CSMD1: variants seen among roughly 807,000 people sequenced by gnomAD.
CSMD1 encodes the protein CUB and sushi domain-containing protein 1.
Under a neutral mutation model 417.5 loss-of-function variants are expected in CSMD1, and 213 were observed. The ratio of observed to expected loss-of-function variants is 0.51; its 90% CI spans 0.46 to 0.57. CSMD1 has a LOEUF of 0.57. Among genes scored for constraint, CSMD1 ranks in the 20% least tolerant of loss-of-function variants. CSMD1 has a pLI of 0.00. For missense variants in CSMD1, 6,923 were observed against 4,529.7 expected (o/e 1.53, Z -15.17); for synonymous variants, 2,862 against 1,736.8 (o/e 1.65, Z -16.11).
At chr8:4,863,135 C>T (rs1039861959) in intron 1 of CSMD1, among the ~76,000 whole-genome samples, 1 of 152,046 alleles carries the variant, frequency 6.6e-6, no homozygotes, top group African/African-American at 2.4e-5. Flanking sequence ...TAATAAATTA[C>T]TGAGTTTACA....
rs1796982107 is a variant in CSMD1, at chr8:3,201,344, T to C, written c.5098+268A>G. Among the ~76,000 whole-genome samples, 4 of 152,168 alleles carry C rather than the reference T, an allele frequency of 2.6e-5. No individual in the cohort carries two copies. The South Asian group carries it at 8.3e-4, about 32-fold the overall frequency. ...CAGATGATAGTTGATTATCCCACCC[T>C]CTTTTTCGGATCTTTGCACCTTTTA... On this transcript the variant is annotated intron_variant, in intron 32 of 69. Coordinates refer to ENST00000635120, the MANE Select transcript of CSMD1 (RefSeq NM_033225.6).
intron 3 of CSMD1, among the ~76,000 whole-genome samples, chr8:4,086,101 A>T (rs537418511): frequency 3.3e-5 from 5 of 152,332 alleles, no homozygotes; most frequent in Non-Finnish European, 5.9e-5. Context: ...CATTTTTCCT[A>T]CTAGTTATTC....
chr8:3,273,124 G>T (rs922640744), intron 26 of CSMD1, among the ~76,000 whole-genome samples: 89 of 151,886 alleles, frequency 5.9e-4, no homozygotes, highest in Non-Finnish European at 9.0e-4. Context: ...CTTATTTATT[G>T]AGAGTTTTTA....
chr8:3,328,720 CAA>C (rs1806696744), intron 23 of CSMD1, among the ~76,000 whole-genome samples: 1 of 152,050 alleles, frequency 6.6e-6, no homozygotes, highest in Non-Finnish European at 1.5e-5. Context: ...GTGAAACCGA[CAA>C]GACAGTAATA....
At chr8:3,760,389 A>C (rs1236664714) in intron 5 of CSMD1, among the ~76,000 whole-genome samples, 1 of 152,186 alleles carries the variant, frequency 6.6e-6, no homozygotes, top group Non-Finnish European at 1.5e-5. Flanking sequence ...GACTCATGGG[A>C]TCCTTACAGT....
At chr8:3,850,800 T>G (rs1360534058) in intron 5 of CSMD1, among the ~76,000 whole-genome samples, 1 of 152,128 alleles carries the variant, frequency 6.6e-6, no homozygotes, top group Non-Finnish European at 1.5e-5. Flanking sequence ...GAAAGTCCAG[T>G]CAAAGGAACA....
At chr8:4,860,779 C>A (rs1282191310) in intron 1 of CSMD1, among the ~76,000 whole-genome samples, 20 of 152,218 alleles carry the variant, frequency 1.3e-4, no homozygotes, top group African/African-American at 4.1e-4. Flanking sequence ...TCACTACATC[C>A]CTGATAATAC....
At chr8:3,521,465 C>T (rs1268216278) in intron 10 of CSMD1, among the ~76,000 whole-genome samples, 3 of 152,144 alleles carry the variant, frequency 2.0e-5, no homozygotes, top group Non-Finnish European at 4.4e-5. Flanking sequence ...AACTTCATGG[C>T]CCATAGCATT....
chr8:4,487,336 C>T (rs1211834158), intron 2 of CSMD1, among the ~76,000 whole-genome samples: 1 of 152,140 alleles, frequency 6.6e-6, no homozygotes, highest in South Asian at 2.1e-4. Context: ...CCACAACAGT[C>T]CCCAGAGTGT....
At chr8:4,616,282 T>G (rs892429667) in intron 2 of CSMD1, among the ~76,000 whole-genome samples, 10 of 152,166 alleles carry the variant, frequency 6.6e-5, no homozygotes, top group African/African-American at 2.4e-4. Context: ...AAGTCTACAC[T>G]GGAATTCCAA....
intron 60 of CSMD1, 29 bp from the exon 61 acceptor site, chr8:2,962,668 C>T: frequency 6.2e-7 from 1 of 1,602,726 alleles, no homozygotes; most frequent in Non-Finnish European, 8.5e-7. Flanking sequence ...AAGAAGTCAG[C>T]CTTCAACGTC....
At position 4,976,869 on chromosome 8, in the gene CSMD1, A is replaced by G. The variant is rs150375386; in HGVS notation, c.85+17463T>C. Among the ~76,000 whole-genome samples, 60 of 152,270 alleles carry G rather than the reference A, an allele frequency of 3.9e-4. No individual in the cohort carries two copies. The East Asian group carries it at 9.7e-3, about 25-fold the overall frequency. ...TTGGGGCAACTGTGCTTAAAGAAAT[A>G]TAGAGGGACATTGCTGGTCAGCTAT... On this transcript the variant is annotated intron_variant, in intron 1 of 69. Transcript: ENST00000635120.
At chr8:4,470,669 A>G (rs1051123956) in intron 2 of CSMD1, among the ~76,000 whole-genome samples, 5 of 152,206 alleles carry the variant, frequency 3.3e-5, no homozygotes, top group Non-Finnish European at 7.3e-5. Context: ...AACGGCCATT[A>G]GTGCTTTTTG....
chr8:3,194,994 T>C (rs1443274969), intron 33 of CSMD1, among the ~76,000 whole-genome samples: 1 of 152,154 alleles, frequency 6.6e-6, no homozygotes, highest in East Asian at 1.9e-4. Flanking sequence ...GGGTTCAATA[T>C]AGAAATATGG....
intron 1 of CSMD1, among the ~76,000 whole-genome samples, chr8:4,887,607 A>T (rs1044266395): frequency 7.9e-5 from 12 of 151,794 alleles, no homozygotes; most frequent in Non-Finnish European, 1.8e-4. Flanking sequence ...CTGCTTTTTA[A>T]TTCTATTGGT....
intron 10 of CSMD1, among the ~76,000 whole-genome samples, chr8:3,507,261 A>G (rs930906021): frequency 6.6e-6 from 1 of 152,066 alleles, no homozygotes; most frequent in African/African-American, 2.4e-5. Context: ...AAAAAGGAAA[A>G]CTTCTGCCTT....
chr8:3,232,048 G>A (rs1158909167), intron 26 of CSMD1, among the ~76,000 whole-genome samples: 1 of 152,130 alleles, frequency 6.6e-6, no homozygotes, highest in Non-Finnish European at 1.5e-5. Flanking sequence ...ACAATGAAAT[G>A]AACATCTGTG....
intron 2 of CSMD1, among the ~76,000 whole-genome samples, chr8:4,598,955 T>G (rs1355588336): frequency 1.3e-5 from 2 of 152,196 alleles, no homozygotes; most frequent in Non-Finnish European, 2.9e-5. Flanking sequence ...AAATCAAATG[T>G]TAAACCAATT....
chr8:4,111,307 T>C (rs749803212), intron 3 of CSMD1, among the ~76,000 whole-genome samples: 4 of 152,200 alleles, frequency 2.6e-5, no homozygotes, highest in Non-Finnish European at 5.9e-5. Flanking sequence ...AAGAATCTGA[T>C]GGCTGAAGAA....
Sources: gnomAD v4.1 joint callset for allele counts (sites outside exome capture counted in the v4.1 genomes callset) on GRCh38, gnomAD v4.1.1 for gene constraint, MANE v1.5 for transcripts, NCBI Gene and HGNC (gene_info 2026-07-23, HGNC 2026-07-21) for gene names.